Variants in TMEM232 observed in about 807,000 individuals in gnomAD.
The protein encoded by TMEM232 is transmembrane protein 232.
Under a neutral mutation model 78.8 loss-of-function variants are expected in TMEM232, and 80 were observed. The observed-to-expected ratio is 1.01, with a 90% CI of 0.85 to 1.22. The LOEUF (loss-of-function observed/expected upper bound fraction) is 1.22. Ranked by LOEUF, TMEM232 falls within the 50% of genes most tolerant of loss-of-function variation. The pLI, the probability that TMEM232 is intolerant of heterozygous loss-of-function variation, is 0.00. For synonymous variants in TMEM232, 297 were observed against 254.3 expected (o/e 1.17, Z -1.60); for missense variants, 881 against 742.2 (o/e 1.19, Z -2.17).
chr5:110,675,323 G>C (rs899451189), intron 1 of TMEM232, among the ~76,000 whole-genome samples: 1 of 152,092 alleles, frequency 6.6e-6, no homozygotes, highest in African/African-American at 2.4e-5. Context: ...GGGATTACAG[G>C]CATGAGCCAC....
intron 12 of TMEM232, among the ~76,000 whole-genome samples, chr5:110,426,209 T>C (rs981647155): frequency 1.1e-4 from 16 of 151,992 alleles, no homozygotes; most frequent in African/African-American, 3.9e-4. Context: ...ACCATAGCTC[T>C]CAATCTACCA....
intron 7 of TMEM232, among the ~76,000 whole-genome samples, chr5:110,622,627 T>A (rs1016758686): frequency 1.3e-5 from 2 of 152,118 alleles, no homozygotes; most frequent in African/African-American, 4.8e-5. Flanking sequence ...GTCTTTGCTA[T>A]CGTGAATAAT....
At chr5:110,692,183 G>C (rs111490578) in intron 1 of TMEM232, among the ~76,000 whole-genome samples, 18 of 152,270 alleles carry the variant, frequency 1.2e-4, no homozygotes, top group African/African-American at 4.1e-4. Context: ...GCCTCCAAAA[G>C]TGCTGGCATT....
At position 110,519,455 on chromosome 5, in the gene TMEM232, CA is replaced by C. The variant is rs1191007711; in HGVS notation, c.1703+9132del. Among the ~76,000 whole-genome samples the C allele has an allele frequency of 1.6e-4, 24 of 152,110 alleles. 1 individual carries two copies. The highest frequency in any genetic ancestry group is 1.4e-3 in the Admixed American group (21 of 15,270). ...CATCCCACGTAAAATGGCTTCTATT[CA>C]AAAGACAGGTAATGATGAATGTTGG... On this transcript the variant is annotated intron_variant, in intron 12 of 13. Coordinates refer to ENST00000455884, the MANE Select transcript of TMEM232 (RefSeq NM_001039763.4).
At chr5:110,493,382 GAAA>G (rs530425968) in intron 12 of TMEM232, among the ~76,000 whole-genome samples, 2 of 119,288 alleles carry the variant, frequency 1.7e-5, no homozygotes, top group Admixed American at 8.5e-5. Context: ...CCAAGACATT[GAAA>G]AAAAAAAAAA....
At chr5:110,662,947 C>T (rs966518050) in intron 2 of TMEM232, among the ~76,000 whole-genome samples, 18 of 151,850 alleles carry the variant, frequency 1.2e-4, no homozygotes, top group African/African-American at 2.9e-4. Flanking sequence ...AAAAAAAAGG[C>T]TAATCATAAA....
intron 1 of TMEM232, among the ~76,000 whole-genome samples, chr5:110,715,824 C>T (rs970856974): frequency 6.6e-6 from 1 of 152,102 alleles, no homozygotes; most frequent in Non-Finnish European, 1.5e-5. Context: ...GACCTTAAGT[C>T]TGATAAGAAA....
At chr5:110,727,437 C>A (rs909335720), upstream of TMEM232, among the ~76,000 whole-genome samples, 1 of 152,030 alleles carries the variant, frequency 6.6e-6, no homozygotes, top group Non-Finnish European at 1.5e-5. Context: ...TGGTGAAACC[C>A]GTCTCTACTA....
At chr5:110,496,840 CTA>C (rs1338574913) in intron 12 of TMEM232, among the ~76,000 whole-genome samples, 1 of 151,928 alleles carries the variant, frequency 6.6e-6, no homozygotes, top group Non-Finnish European at 1.5e-5. Flanking sequence ...GAATATAATT[CTA>C]TGTCACTCAG....
intron 1 of TMEM232, among the ~76,000 whole-genome samples, chr5:110,675,633 C>T (rs77952704): frequency 0.024 from 3,683 of 152,214 alleles, 47 homozygotes; most frequent in African/African-American, 0.032. Flanking sequence ...TTCTCCACCC[C>T]CAGCATTACT....
At chr5:110,550,850 T>TA in intron 11 of TMEM232, among the ~76,000 whole-genome samples, 1 of 149,420 alleles carries the variant, frequency 6.7e-6, no homozygotes, top group South Asian at 2.1e-4. Context: ...AAGTTGATTT[T>TA]AAAAAATATA....
At chr5:110,633,288 C>T (rs904449643) in intron 5 of TMEM232, among the ~76,000 whole-genome samples, 1 of 151,734 alleles carries the variant, frequency 6.6e-6, no homozygotes. Context: ...TGAAAACATA[C>T]GAAAGTATAA....
chr5:110,710,517 T>G (rs931803565), intron 1 of TMEM232, among the ~76,000 whole-genome samples: 2 of 152,112 alleles, frequency 1.3e-5, no homozygotes, highest in African/African-American at 4.8e-5. Context: ...CAAACCAATG[T>G]CAATGATACA....
Position 110,625,336 on chromosome 5 carries a change from T to G in TMEM232, c.699A>C (p.Glu233Asp). Residue 233 changes from glutamate (E) to aspartate (D), a missense_variant, in exon 7 of 14, where the codon GAA (glutamate) becomes GAC (aspartate). Glu to Asp is a conservative substitution (Grantham distance 45). Transcript: ENST00000455884. ...LKASEIIGKR[E>D]LRSESIFRPV... ...GTCTAAAAATGGATTCAGAACGGAG[T>G]TCTCTTTTACCTATAATTTCCGAGG... 5.8e-6 allele frequency: 9 copies of G among 1,547,628 alleles called. No individual in the cohort carries two copies. Among genetic ancestry groups the G allele is most frequent in the Non-Finnish European group, 7.9e-6 (9 of 1,144,652 alleles).
In TMEM232 at chr5:110,398,754, A is replaced by T. The variant is rs185543138; in HGVS notation, n.309-900T>A. Among the ~76,000 whole-genome samples the T allele has an allele frequency of 2.3e-3, 347 of 151,868 alleles. 1 individual carries two copies. The highest frequency in any genetic ancestry group is 7.7e-3 in the African/African-American group (317 of 41,414). On this transcript the variant is annotated intron_variant and non_coding_transcript_variant, in intron 2 of 8. Transcript: ENST00000507188. Reference sequence around the variant, plus strand: ...TTCTCCTCAGATTTCTTAATACAAAATTTTTTTTTCATTCCATAGAATTTC... The same window carrying T: ...TTCTCCTCAGATTTCTTAATACAAATTTTTTTTTTCATTCCATAGAATTTC...
intron 2 of TMEM232, among the ~76,000 whole-genome samples, chr5:110,658,525 G>C (rs2150091701): frequency 6.6e-6 from 1 of 152,140 alleles, no homozygotes; most frequent in East Asian, 1.9e-4. Context: ...CCATTTAGAA[G>C]AAAATTGAAG....
intron 11 of TMEM232, among the ~76,000 whole-genome samples, chr5:110,561,602 CA>C (rs1775757012): frequency 6.6e-6 from 1 of 152,034 alleles, no homozygotes; most frequent in Non-Finnish European, 1.5e-5. Flanking sequence ...AGCTTTCTAT[CA>C]AAAACCCTTT....
At position 110,419,723 on chromosome 5, in the gene TMEM232, G is replaced by C. The variant is rs1428141101; in HGVS notation, c.*857C>G. On this transcript the variant is annotated 3_prime_UTR_variant, in exon 14 of 14. Transcript: ENST00000455884. ...CCTGATAAAAGTCTCTGTCTCTTGA[G>C]TATCACCAAGTCATCTGTGTGAAAT... 6.6e-6 allele frequency among the ~76,000 whole-genome samples: 1 copy of C among 152,018 alleles called. No homozygotes were observed. The highest frequency in any genetic ancestry group is 1.9e-4 in the East Asian group (1 of 5,180).
upstream of TMEM232, chr5:110,738,232 G>C (rs1166769840): frequency 1.1e-5 from 14 of 1,287,266 alleles, no homozygotes; most frequent in Non-Finnish European, 1.4e-5. Flanking sequence ...AGAGCCCGTG[G>C]AGCTAATGAA....
Sources: gnomAD v4.1 joint callset for allele counts (sites outside exome capture counted in the v4.1 genomes callset) on GRCh38, gnomAD v4.1.1 for gene constraint, MANE v1.5 for transcripts, NCBI Gene and HGNC (gene_info 2026-07-23, HGNC 2026-07-21) for gene names.